ALG14: variants seen among roughly 807,000 people sequenced by gnomAD.
ALG14 encodes the protein UDP-N-acetylglucosamine transferase subunit ALG14.
In ALG14, 17 loss-of-function variants were observed where a neutral mutation model predicts 22.8. The ratio of observed to expected loss-of-function variants is 0.75; its 90% CI spans 0.51 to 1.12. ALG14 has a LOEUF of 1.12. ALG14 is among the 50% of genes most tolerant of loss of function. The probability of loss-of-function intolerance (pLI) is 0.00; values close to 1 mark genes in which losing one functional copy is unlikely to be tolerated. For missense variants in ALG14, 288 were observed against 271.8 expected, an observed-to-expected ratio of 1.06 and a Z score of -0.42; for synonymous variants, 89 against 103.7, an observed-to-expected ratio of 0.86 and a Z score of 0.86.
intron 2 of ALG14, among the ~76,000 whole-genome samples, chr1:95,043,858 G>C (rs1674461514): frequency 6.6e-6 from 1 of 151,904 alleles, no homozygotes; most frequent in African/African-American, 2.4e-5. Flanking sequence ...AGGGAGAAGG[G>C]AATGAGGGAG....
intron 3 of ALG14, among the ~76,000 whole-genome samples, chr1:94,988,618 T>A (rs1232411360): frequency 6.6e-6 from 1 of 152,104 alleles, no homozygotes; most frequent in Non-Finnish European, 1.5e-5. Context: ...GATCTACATG[T>A]GAACATAAAC....
At chr1:95,018,855 T>C (rs1049535464) in intron 3 of ALG14, among the ~76,000 whole-genome samples, 2 of 152,176 alleles carry the variant, frequency 1.3e-5, no homozygotes, top group South Asian at 4.1e-4. Context: ...CAGACCAAGT[T>C]CCCTGAATCC....
intron 2 of ALG14, among the ~76,000 whole-genome samples, chr1:95,056,233 A>G (rs146825916): frequency 1.7e-4 from 26 of 152,334 alleles, no homozygotes; most frequent in Middle Eastern, 3.4e-3. Flanking sequence ...CACTGCAGAA[A>G]TGGACTGCTG....
rs1345134392 is a variant in ALG14, at chr1:95,072,873, G to A, written c.26C>T (p.Ala9Val). The A allele has an allele frequency of 6.2e-7, 1 of 1,613,994 alleles. No individual in the cohort carries two copies. Among genetic ancestry groups the A allele is most frequent in the Non-Finnish European group, 8.5e-7 (1 of 1,180,034 alleles). Residue 9 changes from alanine (A) to valine (V), a missense_variant, in exon 1 of 4, where the codon GCG becomes GTG. Transcript: ENST00000370205. Reference protein sequence around the residue: MVCVLVLAAAAGAVAVFLI... With the variant: MVCVLVLAVAAGAVAVFLI... ...GAAAACCGCCACAGCTCCTGCGGCC[G>A]CAGCTAGAACGAGAACGCACACCAT...
intron 3 of ALG14, among the ~76,000 whole-genome samples, chr1:95,014,102 T>C (rs1462342392): frequency 1.3e-5 from 2 of 152,204 alleles, no homozygotes; most frequent in Non-Finnish European, 2.9e-5. Context: ...CAAGTTCTAA[T>C]TACTCCCCAG....
At chr1:95,000,843 G>A (rs78235173) in intron 3 of ALG14, among the ~76,000 whole-genome samples, 24,566 of 146,862 alleles carry the variant, frequency 0.17, 2,567 homozygotes, top group East Asian at 0.48. Context: ...GGTTCAGAAA[G>A]AGAAGAAGAA....
rs183106119 is a variant in ALG14 at position 95,068,342 on chromosome 1, C to G, written c.137-3325G>C. On this transcript the variant is annotated intron_variant, in intron 1 of 3. Transcript: ENST00000370205. ...TTGAGATGGAGTCTTGCTCTGTTGC[C>G]CAGGCGTGATCTCGGCTCACGGCAA... 3.7e-4 allele frequency among the ~76,000 whole-genome samples: 57 copies of G among 152,154 alleles called. 1 individual carries two copies. The East Asian group carries it at 0.01, about 27-fold the overall frequency.
chr1:95,026,024 C>T (rs919306798), intron 3 of ALG14, among the ~76,000 whole-genome samples: 5 of 152,184 alleles, frequency 3.3e-5, no homozygotes, highest in Admixed American at 1.3e-4. Flanking sequence ...GCTCTGCCTC[C>T]GGGGTTCACA....
At chr1:95,046,860 G>A (rs1346951510) in intron 2 of ALG14, among the ~76,000 whole-genome samples, 3 of 152,190 alleles carry the variant, frequency 2.0e-5, no homozygotes, top group Non-Finnish European at 4.4e-5. Context: ...CACTTTGGGA[G>A]GCTGAGGTGG....
At chr1:95,018,262 G>A (rs1056632692) in intron 3 of ALG14, among the ~76,000 whole-genome samples, 2 of 152,114 alleles carry the variant, frequency 1.3e-5, no homozygotes, top group African/African-American at 2.4e-5. Flanking sequence ...GTGGCCAGGC[G>A]CGGTGGTTCA....
At chr1:94,990,477 A>G (rs1210451359) in intron 3 of ALG14, among the ~76,000 whole-genome samples, 1 of 152,266 alleles carries the variant, frequency 6.6e-6, no homozygotes, top group Non-Finnish European at 1.5e-5. Context: ...CTGACTATCT[A>G]TGAACCCAAG....
chr1:95,072,916 G>T lies in ALG14; in HGVS notation c.-18C>A. The T allele has an allele frequency of 6.2e-7, 1 of 1,613,434 alleles. No homozygotes were observed. Among genetic ancestry groups the T allele is most frequent in the Non-Finnish European group, 8.5e-7 (1 of 1,179,864 alleles). ...CACACCATGCAGAGAAACGGCGCATGCGTCCAACTTCCGGGGACCAGCCGC... is the reference window on the plus strand; with the variant it reads ...CACACCATGCAGAGAAACGGCGCATTCGTCCAACTTCCGGGGACCAGCCGC... On this transcript the variant is annotated 5_prime_UTR_variant, in exon 1 of 4. Transcript: ENST00000370205.
intron 2 of ALG14, among the ~76,000 whole-genome samples, chr1:95,037,884 C>G (rs1242190285): frequency 1.3e-5 from 2 of 152,290 alleles, no homozygotes; most frequent in East Asian, 3.9e-4. Context: ...CAACAAGCAC[C>G]TGCCAGGTGA....
chr1:95,071,170 TG>T (rs1412668356), intron 1 of ALG14, among the ~76,000 whole-genome samples: 1 of 152,216 alleles, frequency 6.6e-6, no homozygotes. Flanking sequence ...ATGTGATTCA[TG>T]TGTGGTGTTA....
rs556669571 is a variant in ALG14, at chr1:95,057,782, TTAA to T, written c.288+7081_288+7083del. 1.8e-3 allele frequency among the ~76,000 whole-genome samples: 277 copies of T among 151,766 alleles called. 1 individual carries two copies. Among genetic ancestry groups the T allele is most frequent in the African/African-American group, 6.3e-3 (262 of 41,482 alleles). On this transcript the variant is annotated intron_variant, in intron 2 of 3. Coordinates refer to ENST00000370205, the MANE Select transcript of ALG14 (RefSeq NM_144988.4). ...AGAGTCCACTGAATTCAAGAAAGAA[TTAA>T]TAAGAAAACAGACATGTAGACATGG...
intron 1 of ALG14, chr1:95,067,129 A>C (rs1675400119): frequency 6.6e-6 from 1 of 152,212 alleles, no homozygotes; most frequent in Non-Finnish European, 1.5e-5. Context: ...GCCATGAAGG[A>C]AGGGTTCTTA....
intron 1 of ALG14, among the ~76,000 whole-genome samples, chr1:95,071,095 T>G (rs914515358): frequency 6.6e-6 from 1 of 152,162 alleles, no homozygotes; most frequent in Non-Finnish European, 1.5e-5. Context: ...TCAACCCATG[T>G]AGAAACAGAA....
chr1:94,985,940 G>C (rs1429860939), intron 3 of ALG14, among the ~76,000 whole-genome samples: 1 of 150,812 alleles, frequency 6.6e-6, no homozygotes, highest in Non-Finnish European at 1.5e-5. Context: ...TCTAAGGAAA[G>C]CTACTTTTAA....
intron 2 of ALG14, among the ~76,000 whole-genome samples, chr1:95,042,327 C>T (rs200437299): frequency 6.9e-6 from 1 of 145,556 alleles, no homozygotes; most frequent in African/African-American, 2.6e-5. Flanking sequence ...CACACACACA[C>T]ATACACACAG....
Sources: gnomAD v4.1 joint callset for allele counts (sites outside exome capture counted in the v4.1 genomes callset) on GRCh38, gnomAD v4.1.1 for gene constraint, MANE v1.5 for transcripts, NCBI Gene and HGNC (gene_info 2026-07-23, HGNC 2026-07-21) for gene names.